Variants in SCRIB observed in about 807,000 individuals in gnomAD.
SCRIB encodes the protein scribble planar cell polarity protein, also known as protein scribble homolog.
A neutral mutation model predicts 170.0 loss-of-function variants in SCRIB; 72 were observed. The observed-to-expected ratio is 0.42, with a 90% CI of 0.35 to 0.52. The LOEUF (loss-of-function observed/expected upper bound fraction) is 0.52. Among genes scored for constraint, SCRIB ranks in the 20% least tolerant of loss-of-function variants. The probability of loss-of-function intolerance (pLI) is 0.02; values close to 1 mark genes in which losing one functional copy is unlikely to be tolerated. For synonymous variants in SCRIB, 1,298 were observed against 1,044.3 expected, an observed-to-expected ratio of 1.24 and a Z score of -4.68; for missense variants, 2,475 against 2,338.5, an observed-to-expected ratio of 1.06 and a Z score of -1.20.
At position 143,808,481 on chromosome 8, in the gene SCRIB, G is replaced by A. The variant is rs571814801; in HGVS notation, c.2115+128C>T. The A allele has an allele frequency of 1.4e-5, 16 of 1,137,014 alleles. No individual in the cohort carries two copies. The East Asian group carries it at 2.4e-4, about 17-fold the overall frequency. The allele number at this position is 1,137,014 out of a possible 1,614,324, so 70.4% of individuals were successfully genotyped here. On this transcript the variant is annotated intron_variant, in intron 15 of 36. Coordinates refer to ENST00000356994, the MANE Select transcript of SCRIB (RefSeq NM_182706.5). Reference sequence around the variant, plus strand: ...CCGTGATGCCGACTGTGGAGCACACGTGTCCACCACCTTCTCCGGGTGGCC... The same window carrying A: ...CCGTGATGCCGACTGTGGAGCACACATGTCCACCACCTTCTCCGGGTGGCC...
intron 32 of SCRIB, 29 bp downstream of exon 32, chr8:143,792,191 C>T (rs908956306): frequency 2.3e-5 from 36 of 1,554,446 alleles, no homozygotes; most frequent in East Asian, 4.5e-5. Flanking sequence ...GGCAGCAGGG[C>T]GGGGTGGCGA....
chr8:143,791,420 C>T lies in SCRIB; in HGVS notation c.4791G>A (p.Glu1597=), dbSNP rs1222608512. 2 of 1,611,114 alleles carry T rather than the reference C, an allele frequency of 1.2e-6. No individual in the cohort carries two copies. The highest frequency in any genetic ancestry group is 1.7e-6 in the Non-Finnish European group (2 of 1,179,364). Residue 1597 remains glutamate, a synonymous_variant, in exon 36 of 37, where the codon GAG becomes GAA. Transcript: ENST00000356994. The stretch of plus-strand genomic sequence containing the variant: ...TGGGAGATGGTTCCAGGGACCTCAA[C>T]TCCTCAGCAAAGTCCGGTGACTGTG... ...YDIQSPDFAE[E]LRSLEPSPSP...
intron 24 of SCRIB, among the ~76,000 whole-genome samples, chr8:143,802,657 G>GAAACTGC (rs1329255459): frequency 1.3e-5 from 2 of 152,254 alleles, no homozygotes; most frequent in Non-Finnish European, 2.9e-5. Flanking sequence ...AGAACCCCTG[G>GAAACTGC]AAACTGCTGA....
intron 24 of SCRIB, among the ~76,000 whole-genome samples, chr8:143,802,705 A>C (rs1815224492): frequency 6.6e-6 from 1 of 152,342 alleles, no homozygotes; most frequent in East Asian, 1.9e-4. Context: ...ATGGGGAAGA[A>C]GACGGAAGGG....
rs538221293 is a variant in SCRIB, at chr8:143,803,223, C to T, written c.3603+160G>A. On this transcript the variant is annotated intron_variant, in intron 24 of 36. Coordinates refer to ENST00000356994, the MANE Select transcript of SCRIB (RefSeq NM_182706.5). ...CAGAAAGGGAAGGCAGGGCCCTCCGCCCACAGCTCCCCAGCCCGCACGGCT... is the reference window on the plus strand; with the variant it reads ...CAGAAAGGGAAGGCAGGGCCCTCCGTCCACAGCTCCCCAGCCCGCACGGCT... Among the ~76,000 whole-genome samples the T allele has an allele frequency of 5.3e-5, 8 of 152,322 alleles. No individual in the cohort carries two copies. In the East Asian group the frequency reaches 1.5e-3, roughly 29 times the overall value.
In SCRIB at chr8:143,815,396, C is replaced by CCGG; in HGVS notation, c.-27_-25dup. The CCGG allele has an allele frequency of 7.8e-7, 1 of 1,279,986 alleles. No homozygotes were observed. The highest frequency in any genetic ancestry group is 9.9e-7 in the Non-Finnish European group (1 of 1,008,032). 79.3% of individuals were successfully genotyped at this position (1,279,986 alleles called of 1,614,324 possible). On this transcript the variant is annotated 5_prime_UTR_variant, in exon 1 of 37. Transcript: ENST00000356994. ...ATGGTGCGGGTGGGCGGCGCGGGCT[C>CCGG]CGGCGGCGGCGCTCGGCGGGCTCGG...
In SCRIB at chr8:143,804,584, C is replaced by A. The variant is rs372242753; in HGVS notation, c.2993G>T (p.Gly998Val). Reference sequence around the variant, plus strand: ...GTGTCTCACCTCCACTGGGTATGGCCCTTCCAACGCGGCAGCCAGCAGGCT... The same window carrying A: ...GTGTCTCACCTCCACTGGGTATGGCACTTCCAACGCGGCAGCCAGCAGGCT... ...APSLLAAALEGPYPVEEIRLP... is the reference protein window; with the variant it reads ...APSLLAAALEVPYPVEEIRLP... The change falls in exon 21 of 37, where the codon GGG becomes GTG. Residue 998 changes from glycine (G) to valine (V), a missense_variant. Physicochemically the swap from Gly to Val is moderately radical, Grantham distance 109 (BLOSUM62 -3). This residue lies in a region of SCRIB where 1,966 missense variants were observed against 1,742.9 expected (regional missense o/e 1.13). Coordinates refer to ENST00000356994, the MANE Select transcript of SCRIB (RefSeq NM_182706.5). The A allele has an allele frequency of 6.6e-7, 1 of 1,512,782 alleles. No individual in the cohort carries two copies. The highest frequency in any genetic ancestry group is 1.3e-5 in the South Asian group (1 of 77,402). 93.7% of individuals were successfully genotyped at this position (1,512,782 alleles called of 1,614,324 possible).
intron 28 of SCRIB, 64 bp downstream of exon 28, chr8:143,793,836 A>C (rs1439353639): frequency 6.5e-7 from 1 of 1,530,526 alleles, no homozygotes; most frequent in East Asian, 2.3e-5. Flanking sequence ...GGCCCTGTGC[A>C]CAGCGGCCAT....
chr8:143,791,075 C>T lies in SCRIB; in HGVS notation c.*88G>A. 6 of 1,317,226 alleles carry T rather than the reference C, an allele frequency of 4.6e-6. No individual in the cohort carries two copies. The highest frequency in any genetic ancestry group is 4.9e-6 in the Non-Finnish European group (5 of 1,029,432). 81.6% of individuals were successfully genotyped at this position (1,317,226 alleles called of 1,614,324 possible). On this transcript the variant is annotated 3_prime_UTR_variant, in exon 37 of 37. Coordinates refer to ENST00000356994, the MANE Select transcript of SCRIB (RefSeq NM_182706.5). ...ACTCCTGTGGGGTCTCTTTAAAATG[C>T]TAACACCCAGGTTAAAAGACTTGGG...
intron 18 of SCRIB, 149 bp downstream of exon 18, chr8:143,806,258 G>A: frequency 1.2e-5 from 8 of 654,248 alleles, no homozygotes; most frequent in Non-Finnish European, 2.2e-5. Context: ...GGGGTTTACA[G>A]GTTCCGTGGC....
chr8:143,809,766 G>T, intron 13 of SCRIB, 48 bp from the exon 14 acceptor site: 1 of 1,584,142 alleles, frequency 6.3e-7, no homozygotes, highest in Non-Finnish European at 8.6e-7. Flanking sequence ...CCGACTCACA[G>T]GCTGGCCACC....
At chr8:143,802,708 C>CG (rs1815224833) in intron 24 of SCRIB, among the ~76,000 whole-genome samples, 1 of 152,230 alleles carries the variant, frequency 6.6e-6, no homozygotes, top group African/African-American at 2.4e-5. Context: ...GGGAAGAAGA[C>CG]GGAAGGGAGA....
At position 143,812,287 on chromosome 8, in the gene SCRIB, G is replaced by C. The variant is rs776752079; in HGVS notation, c.885C>G (p.Ile295Met). ...IGDCENLSELILTENLLMALP... is the reference protein window; with the variant it reads ...IGDCENLSELMLTENLLMALP... ...CTACCATCAGCAGGTTCTCCGTGAGGATCAGCTCAGAGAGGTTCTCACAGT... is the reference window on the plus strand; with the variant it reads ...CTACCATCAGCAGGTTCTCCGTGAGCATCAGCTCAGAGAGGTTCTCACAGT... The change falls in exon 9 of 37, where the codon ATC becomes ATG. Residue 295 changes from isoleucine to methionine, a missense_variant. Around this residue, in one of 3 missense-constraint regions of SCRIB, gnomAD observed 487 missense variants for 558.1 expected, o/e 0.87. Coordinates refer to ENST00000356994, the MANE Select transcript of SCRIB (RefSeq NM_182706.5). The C allele has an allele frequency of 6.2e-7, 1 of 1,610,818 alleles. No homozygotes were observed. The highest frequency in any genetic ancestry group is 8.5e-7 in the Non-Finnish European group (1 of 1,177,082).
At chr8:143,813,759 C>T in intron 3 of SCRIB, 33 bp from the exon 4 acceptor site, 1 of 1,611,602 alleles carries the variant, frequency 6.2e-7, no homozygotes. Flanking sequence ...CCTCGGATGA[C>T]CAGTCCAGGG....
Position 143,792,771 on chromosome 8 carries a change from C to A in SCRIB, c.4114G>T (p.Gly1372Cys). Residue 1372 changes from glycine (G) to cysteine (C), a missense_variant, in exon 30 of 37, where the codon GGC (glycine) becomes TGC (cysteine). Physicochemically the swap from Gly to Cys is radical, Grantham distance 159 (BLOSUM62 -3). Coordinates refer to ENST00000356994, the MANE Select transcript of SCRIB (RefSeq NM_182706.5). Reference protein sequence around the residue: ...ELEVRVPQAEGPPKRVSLVGA... With the variant: ...ELEVRVPQAECPPKRVSLVGA... ...ACCAGGGACACGCGCTTAGGGGGGC[C>A]CTCGGCCTGGGGCACGCGCACCTCC... The A allele has an allele frequency of 6.3e-7, 1 of 1,586,242 alleles. No homozygotes were observed. Among genetic ancestry groups the A allele is most frequent in the Non-Finnish European group, 8.6e-7 (1 of 1,169,018 alleles).
At chr8:143,802,219 C>T (rs1366374949) in intron 24 of SCRIB, among the ~76,000 whole-genome samples, 4 of 152,212 alleles carry the variant, frequency 2.6e-5, no homozygotes, top group Admixed American at 6.5e-5. Flanking sequence ...AGGGCTGGCC[C>T]GGGGCCAACC....
intron 17 of SCRIB, 121 bp from the exon 18 acceptor site, chr8:143,806,605 A>G: frequency 2.5e-6 from 2 of 792,248 alleles, no homozygotes; most frequent in South Asian, 3.2e-5. Flanking sequence ...GGCCAGCAGG[A>G]GGACTGAGCT....
intron 27 of SCRIB, 50 bp downstream of exon 27, chr8:143,794,988 G>T (rs1554633769): frequency 1.9e-6 from 3 of 1,560,070 alleles, no homozygotes; most frequent in Non-Finnish European, 1.8e-6. Flanking sequence ...GGTGGCCGAT[G>T]AACAGGACAA....
rs782195452 is a variant in SCRIB at position 143,792,320 on chromosome 8, G to C, written c.4414C>G (p.Arg1472Gly). ...KAERRHQERL[R>G]VQSPEPPAPE... Reference sequence around the variant, plus strand: ...GCCGGTGGCTCCGGACTCTGCACGCGCAGCCGCTCCTGGTGGCGCCGTTCA... The same window carrying C: ...GCCGGTGGCTCCGGACTCTGCACGCCCAGCCGCTCCTGGTGGCGCCGTTCA... Residue 1472 changes from arginine to glycine, a missense_variant, in exon 32 of 37, where the codon CGC (arginine) becomes GGC (glycine). This residue lies in a region of SCRIB where 1,966 missense variants were observed against 1,742.9 expected (regional missense o/e 1.13). Transcript: ENST00000356994. 1.3e-6 allele frequency: 2 copies of C among 1,550,444 alleles called. No homozygotes were observed. Among genetic ancestry groups the C allele is most frequent in the African/African-American group, 1.4e-5 (1 of 73,812 alleles).
Sources: allele counts gnomAD v4.1 joint callset (sites outside exome capture counted in the v4.1 genomes callset), GRCh38; gene constraint gnomAD v4.1.1; regional missense constraint gnomAD v4.1.1; transcripts MANE v1.5; gene names NCBI Gene and HGNC (gene_info 2026-07-23, HGNC 2026-07-21).